GRAMD1C: variants seen among roughly 807,000 people sequenced by gnomAD.
GRAMD1C encodes the protein GRAM domain containing 1C.
In GRAMD1C, 89 loss-of-function variants were observed where a neutral mutation model predicts 97.8. That is an observed-to-expected ratio of 0.91 (90% CI 0.77 to 1.09). The LOEUF is 1.09. Among genes scored for constraint, GRAMD1C ranks in the 50% least tolerant of loss-of-function variants. The probability of loss-of-function intolerance (pLI) is 0.00; values close to 1 mark genes in which losing one functional copy is unlikely to be tolerated. For synonymous variants in GRAMD1C, 256 were observed against 267.0 expected (o/e 0.96, Z 0.40); for missense variants, 740 against 766.4 (o/e 0.97, Z 0.41).
chr3:113,898,814 T>A (rs1442887878), intron 6 of GRAMD1C, among the ~76,000 whole-genome samples: 1 of 152,190 alleles, frequency 6.6e-6, no homozygotes, highest in East Asian at 1.9e-4. Flanking sequence ...TATTTTTGAC[T>A]TTTTGAAATA....
At chr3:113,938,185 T>A in intron 15 of GRAMD1C, 42 bp downstream of exon 15, 1 of 963,658 alleles carries the variant, frequency 1.0e-6, no homozygotes. Flanking sequence ...TGTTTCAGCA[T>A]TTATCTTTAA....
intron 6 of GRAMD1C, among the ~76,000 whole-genome samples, chr3:113,884,845 GAAAA>G (rs1278760672): frequency 3.7e-5 from 5 of 136,230 alleles, no homozygotes; most frequent in Non-Finnish European, 8.1e-5. Context: ...TCAAAAAAAA[GAAAA>G]AAAAAAAGAA....
intron 2 of GRAMD1C, chr3:113,850,202 G>A (rs1303374253): frequency 1.9e-5 from 9 of 473,146 alleles, no homozygotes; most frequent in East Asian, 1.2e-4. Context: ...TTTGCTGTAC[G>A]TTTATTCAAT....
rs917030400 is a variant in GRAMD1C at position 113,857,563 on chromosome 3, G to A, written c.175-11944G>A. On this transcript the variant is annotated intron_variant, in intron 2 of 17. Transcript: ENST00000358160. ...GCTAATTTTTTTGTATTTTTAGTAGGGACGGGGTTTCACCGTGTTAGCCAG... is the reference window on the plus strand; with the variant it reads ...GCTAATTTTTTTGTATTTTTAGTAGAGACGGGGTTTCACCGTGTTAGCCAG... Among the ~76,000 whole-genome samples, 13 of 151,814 alleles carry A rather than the reference G, an allele frequency of 8.6e-5. No homozygotes were observed. The South Asian group carries it at 1.3e-3, about 15-fold the overall frequency.
chr3:113,833,294 C>T (rs1204377649), intron 1 of GRAMD1C, among the ~76,000 whole-genome samples: 56 of 151,550 alleles, frequency 3.7e-4, no homozygotes, highest in African/African-American at 1.1e-3. Context: ...TGTACCACCA[C>T]GCCCAGCTAA....
chr3:113,939,064 T>C (rs1311238251), intron 15 of GRAMD1C: 3 of 152,224 alleles, frequency 2.0e-5, no homozygotes, highest in Non-Finnish European at 4.4e-5. Context: ...AATATTAATC[T>C]GTATACCATT....
At chr3:113,912,561 TTG>T (rs1397184610) in intron 9 of GRAMD1C, among the ~76,000 whole-genome samples, 2 of 151,790 alleles carry the variant, frequency 1.3e-5, no homozygotes, top group East Asian at 3.9e-4. Context: ...TGGGCAAGAC[TTG>T]TCTCTACAAA....
At chr3:113,894,036 T>C (rs1164236113) in intron 6 of GRAMD1C, among the ~76,000 whole-genome samples, 2 of 152,210 alleles carry the variant, frequency 1.3e-5, no homozygotes, top group Admixed American at 1.3e-4. Flanking sequence ...AACAAATGAT[T>C]ATCTTGAAAC....
chr3:113,924,389 A>G (rs148400321), intron 10 of GRAMD1C, among the ~76,000 whole-genome samples: 4,508 of 152,110 alleles, frequency 0.03, 242 homozygotes, highest in African/African-American at 0.1. Flanking sequence ...AGATCTTTCT[A>G]ACTGTTTCAT....
At chr3:113,903,827 T>C (rs1055733610) in intron 7 of GRAMD1C, among the ~76,000 whole-genome samples, 6 of 151,958 alleles carry the variant, frequency 3.9e-5, no homozygotes, top group African/African-American at 1.5e-4. Flanking sequence ...TTTGTGGTTG[T>C]ACACAAATGA....
intron 1 of GRAMD1C, among the ~76,000 whole-genome samples, chr3:113,839,652 A>G (rs751942491): frequency 1.6e-4 from 25 of 152,242 alleles, no homozygotes; most frequent in Non-Finnish European, 3.2e-4. Flanking sequence ...ACTATGAAAT[A>G]GTCAAGCTGG....
At chr3:113,915,558 T>C in intron 9 of GRAMD1C, 143 bp from the exon 10 acceptor site, 1 of 611,670 alleles carries the variant, frequency 1.6e-6, no homozygotes, top group Non-Finnish European at 2.8e-6. Context: ...AATAGTGTCC[T>C]AGAATGTTCT....
chr3:113,862,922 A>G (rs929684720), intron 2 of GRAMD1C, among the ~76,000 whole-genome samples: 4 of 152,184 alleles, frequency 2.6e-5, no homozygotes, highest in Admixed American at 6.5e-5. Flanking sequence ...GATGGCTGTA[A>G]TAAGAAAGAT....
At chr3:113,849,267 T>TTTTTTTTA (rs1553715102) in intron 2 of GRAMD1C, among the ~76,000 whole-genome samples, 4 of 141,556 alleles carry the variant, frequency 2.8e-5, no homozygotes, top group East Asian at 2.0e-4. Context: ...CTAGTTAATA[T>TTTTTTTTA]TTTATTTATT....
chr3:113,944,811 A>G (rs1189654482), intron 17 of GRAMD1C, among the ~76,000 whole-genome samples: 2 of 152,220 alleles, frequency 1.3e-5, no homozygotes, highest in Non-Finnish European at 2.9e-5. Context: ...AATGAATACA[A>G]AAAAAGAGTA....
chr3:113,850,129 T>C, intron 2 of GRAMD1C: 1 of 391,986 alleles, frequency 2.6e-6, no homozygotes, highest in South Asian at 2.0e-5. Flanking sequence ...TATTCTTTTG[T>C]GCTTTGATAA....
At chr3:113,881,959 T>C (rs1365846630) in intron 5 of GRAMD1C, among the ~76,000 whole-genome samples, 3 of 152,174 alleles carry the variant, frequency 2.0e-5, no homozygotes, top group Non-Finnish European at 4.4e-5. Flanking sequence ...TTGTTTGATA[T>C]TTTACTTAAT....
In GRAMD1C at chr3:113,934,544, A is replaced by AT; in HGVS notation, c.1456+16dup. 8.4e-7 allele frequency: 1 copy of AT among 1,189,528 alleles called. No homozygotes were observed. The highest frequency in any genetic ancestry group is 1.2e-6 in the Non-Finnish European group (1 of 825,330). 73.7% of individuals were successfully genotyped at this position (1,189,528 alleles called of 1,614,324 possible). A position where few individuals can be genotyped will look rare whatever the true frequency, so the allele number is the denominator to read the frequency against. ...CTATTTCAAACAGCTTGGTTTGTAA[A>AT]TTTTTTTATTTATCTATTTTTGTAA... On this transcript the variant is annotated intron_variant, in intron 13 of 17. Coordinates refer to ENST00000358160, the MANE Select transcript of GRAMD1C (RefSeq NM_017577.5).
intron 10 of GRAMD1C, chr3:113,919,496 A>G: frequency 3.8e-6 from 2 of 533,028 alleles, no homozygotes; most frequent in East Asian, 5.0e-5. Flanking sequence ...AAACCTAATG[A>G]AAGAACTAGC....
Sources: allele counts gnomAD v4.1 joint callset (sites outside exome capture counted in the v4.1 genomes callset), GRCh38; gene constraint gnomAD v4.1.1; transcripts MANE v1.5; gene names NCBI Gene and HGNC (gene_info 2026-07-23, HGNC 2026-07-21).